The following PAK1 variants were observed in gnomAD, a reference collection of about 807,000 sequenced individuals.
PAK1 encodes the protein p21 (RAC1) activated kinase 1.
A neutral mutation model predicts 67.4 loss-of-function variants in PAK1; 29 were observed. That is an observed-to-expected ratio of 0.43 (90% CI 0.32 to 0.59). PAK1 has a LOEUF of 0.59. Among genes scored for constraint, PAK1 ranks in the 20% least tolerant of loss-of-function variants. The pLI is 0.07. For missense variants in PAK1, 337 were observed against 670.7 expected (o/e 0.50, Z 5.50); for synonymous variants, 223 against 237.4 (o/e 0.94, Z 0.56).
At chr11:77,404,306 C>T (rs1004700886) in intron 1 of PAK1, among the ~76,000 whole-genome samples, 4 of 151,308 alleles carry the variant, frequency 2.6e-5, no homozygotes, top group African/African-American at 4.9e-5. Flanking sequence ...CTCACCCTGT[C>T]GCCCAGGCTG....
chr11:77,393,283 AAAAG>A (rs1281146935), intron 1 of PAK1, among the ~76,000 whole-genome samples: 12 of 131,132 alleles, frequency 9.2e-5, no homozygotes, highest in African/African-American at 3.7e-4. Flanking sequence ...TTTAAAAAAA[AAAAG>A]AGAGAGAGAG....
the PAK1 span, among the ~76,000 whole-genome samples, chr11:77,489,648 A>G: frequency 2.0e-5 from 3 of 151,666 alleles, no homozygotes; most frequent in Admixed American, 6.5e-5. Context: ...ACGGGGTTTC[A>G]CTGTGTTGGC....
chr11:77,342,692 C>G (rs1565591746), intron 10 of PAK1, among the ~76,000 whole-genome samples: 1 of 152,256 alleles, frequency 6.6e-6, no homozygotes, highest in South Asian at 2.1e-4. Flanking sequence ...AAGTTCAACT[C>G]TTTTCTTCTT....
At chr11:77,378,334 C>T (rs1207962720) in intron 4 of PAK1, among the ~76,000 whole-genome samples, 1 of 152,098 alleles carries the variant, frequency 6.6e-6, no homozygotes, top group Non-Finnish European at 1.5e-5. Context: ...GGGTTCTAAT[C>T]CCAATTCTGC....
intron 1 of PAK1, among the ~76,000 whole-genome samples, chr11:77,462,092 C>T (rs1486218747): frequency 2.0e-5 from 3 of 151,978 alleles, no homozygotes; most frequent in Admixed American, 6.6e-5. Flanking sequence ...TTTGGGAGGC[C>T]GAAGCGGGTG....
chr11:77,365,487 T>C (rs1303598599), intron 5 of PAK1, among the ~76,000 whole-genome samples: 1 of 151,518 alleles, frequency 6.6e-6, no homozygotes, highest in Non-Finnish European at 1.5e-5. Flanking sequence ...ATAAAAACAT[T>C]AAACTACAGA....
chr11:77,516,599 T>C, the PAK1 span, among the ~76,000 whole-genome samples: 1 of 152,196 alleles, frequency 6.6e-6, no homozygotes, highest in African/African-American at 2.4e-5. Context: ...TTTCTGTATC[T>C]CCAGGGTGGT....
At chr11:77,376,133 T>C (rs1949053323) in intron 4 of PAK1, among the ~76,000 whole-genome samples, 1 of 152,232 alleles carries the variant, frequency 6.6e-6, no homozygotes, top group African/African-American at 2.4e-5. Flanking sequence ...CCCCCAACTT[T>C]ACGTACTGCT....
chr11:77,428,679 C>G (rs1191351893), intron 1 of PAK1, among the ~76,000 whole-genome samples: 3 of 151,606 alleles, frequency 2.0e-5, no homozygotes, highest in Non-Finnish European at 4.4e-5. Context: ...GACAAGTAGT[C>G]TAGTGAGGAG....
intron 1 of PAK1, among the ~76,000 whole-genome samples, chr11:77,405,064 T>G (rs2137821847): frequency 6.6e-6 from 1 of 152,304 alleles, no homozygotes; most frequent in African/African-American, 2.4e-5. Flanking sequence ...ACTTAAGACC[T>G]CATTTAAATG....
chr11:77,513,235 T>C, the PAK1 span, among the ~76,000 whole-genome samples: 9 of 152,322 alleles, frequency 5.9e-5, no homozygotes, highest in African/African-American at 2.2e-4. Context: ...GTGTTATGGG[T>C]CTTTAATGAG....
chr11:77,499,313 T>C, the PAK1 span, among the ~76,000 whole-genome samples: 1 of 152,192 alleles, frequency 6.6e-6, no homozygotes, highest in Non-Finnish European at 1.5e-5. Flanking sequence ...TCCTCGCAGT[T>C]TGGCCTCCTG....
chr11:77,498,080 T>C, the PAK1 span, among the ~76,000 whole-genome samples: 1 of 152,162 alleles, frequency 6.6e-6, no homozygotes, highest in South Asian at 2.1e-4. Flanking sequence ...TAATGTGGTA[T>C]TCTGGAAACG....
intron 1 of PAK1, among the ~76,000 whole-genome samples, chr11:77,449,796 T>C (rs992983011): frequency 6.6e-6 from 1 of 151,934 alleles, no homozygotes; most frequent in African/African-American, 2.4e-5. Flanking sequence ...AATTCCCCTA[T>C]TCTATCTAGG....
intron 8 of PAK1, among the ~76,000 whole-genome samples, chr11:77,351,716 T>G (rs1355916827): frequency 6.6e-6 from 1 of 151,996 alleles, no homozygotes; most frequent in Non-Finnish European, 1.5e-5. Flanking sequence ...TTATGCAATC[T>G]TTTATTTTCA....
At chr11:77,410,584 G>C (rs866720400) in intron 1 of PAK1, among the ~76,000 whole-genome samples, 4 of 151,990 alleles carry the variant, frequency 2.6e-5, no homozygotes, top group Non-Finnish European at 5.9e-5. Flanking sequence ...CTAATCAAGA[G>C]GGGGAGGATC....
chr11:77,500,158 G>A, the PAK1 span, among the ~76,000 whole-genome samples: 7 of 152,204 alleles, frequency 4.6e-5, no homozygotes, highest in Admixed American at 2.0e-4. Flanking sequence ...TCAACTGAGA[G>A]CCCTCCTGCC....
At chr11:77,492,725 C>A in the PAK1 span, among the ~76,000 whole-genome samples, 3 of 151,796 alleles carry the variant, frequency 2.0e-5, no homozygotes, top group East Asian at 5.8e-4. Context: ...GGAGGAGGGG[C>A]CTGGTGGGAG....
At chr11:77,401,651 T>C (rs973766893) in intron 1 of PAK1, among the ~76,000 whole-genome samples, 13 of 152,152 alleles carry the variant, frequency 8.5e-5, no homozygotes, top group Non-Finnish European at 1.2e-4. Flanking sequence ...CCTATGCTGT[T>C]TTCTCTGCCT....
Sources: allele counts gnomAD v4.1 joint callset (sites outside exome capture counted in the v4.1 genomes callset), GRCh38; gene constraint gnomAD v4.1.1; transcripts MANE v1.5; gene names NCBI Gene and HGNC (gene_info 2026-07-23, HGNC 2026-07-21).